Variants in RHNO1 observed in about 807,000 individuals in gnomAD.
RHNO1 encodes the protein RAD9, HUS1, RAD1-interacting nuclear orphan protein 1.
Under a neutral mutation model 7.2 loss-of-function variants are expected in RHNO1, and 9 were observed. The observed-to-expected ratio is 1.25, with a 90% confidence interval of 0.75 to 2.18. The LOEUF is 2.18. RHNO1 is among the 30% of genes most tolerant of loss of function. The pLI, the probability that RHNO1 is intolerant of heterozygous loss-of-function variation, is 0.00. For missense variants in RHNO1, 292 were observed against 284.5 expected (o/e 1.03, Z -0.19); for synonymous variants, 95 against 107.5 (o/e 0.88, Z 0.72).
At chr12:2,883,495 ATATATATATATATATATTT>A (rs1406642391) in intron 1 of RHNO1, among the ~76,000 whole-genome samples, 35 of 21,286 alleles carry the variant, frequency 1.6e-3, no homozygotes, top group African/African-American at 8.9e-3. Flanking sequence ...ATATATATAT[ATATATATATATATATATTT>A]TTTTTTTTTT....
Position 2,888,968 on chromosome 12 carries a change from GA to G in RHNO1, c.*510del, listed in dbSNP as rs2098168950. On this transcript the variant is annotated 3_prime_UTR_variant, in exon 3 of 3. Coordinates refer to ENST00000489288, the MANE Select transcript of RHNO1 (RefSeq NM_001252499.3). ...TAAATGGCTGCAGAAAGTTTTTTTA[GA>G]GAATCCTGCTTCCATCAGTAATACA... 6.6e-6 allele frequency: 1 copy of G among 152,376 alleles called. No individual in the cohort carries two copies. The highest frequency in any genetic ancestry group is 1.5e-5 in the Non-Finnish European group (1 of 68,268). The allele number at this position is 152,376 out of a possible 1,614,324, so 9.4% of individuals were successfully genotyped here.
chr12:2,884,591 G>C (rs953424527), intron 1 of RHNO1, among the ~76,000 whole-genome samples: 1 of 151,202 alleles, frequency 6.6e-6, no homozygotes, highest in African/African-American at 2.4e-5. Context: ...TCAAACTCCT[G>C]ACCTCAGGTG....
At chr12:2,883,507 A>ATT (rs2098161422) in intron 1 of RHNO1, among the ~76,000 whole-genome samples, 5 of 26,236 alleles carry the variant, frequency 1.9e-4, no homozygotes, top group African/African-American at 6.9e-4. Context: ...ATATATATAT[A>ATT]TATATTTTTT....
chr12:2,889,415 T>G lies in RHNO1; in HGVS notation c.*956T>G, dbSNP rs2098169552. ...GTGTGTAAATAAGGAAAGTTTTCAA[T>G]GAGTATTACTTATTGTAATTAATGC... On this transcript the variant is annotated 3_prime_UTR_variant, in exon 3 of 3. Transcript: ENST00000489288. The G allele has an allele frequency of 1.3e-5, 2 of 152,206 alleles. No individual in the cohort carries two copies. Among genetic ancestry groups the G allele is most frequent in the Non-Finnish European group, 2.9e-5 (2 of 68,038 alleles). 9.4% of individuals were successfully genotyped at this position (152,206 alleles called of 1,614,324 possible). A position where few individuals can be genotyped will look rare whatever the true frequency, so the allele number is the denominator to read the frequency against.
chr12:2,881,915 AAG>A (rs1451184956), intron 1 of RHNO1, among the ~76,000 whole-genome samples: 1 of 151,066 alleles, frequency 6.6e-6, no homozygotes, highest in African/African-American at 2.5e-5. Context: ...AAAAAAAAAA[AAG>A]AAAGAAAAAA....
Position 2,883,078 on chromosome 12 carries a change from A to AAAAAAACAACAAC in RHNO1, c.-84-2199_-84-2198insCAACAACAAAAAA, listed in dbSNP as rs1555108324. Among the ~76,000 whole-genome samples, 3 of 150,336 alleles carry AAAAAAACAACAAC rather than the reference A, an allele frequency of 2.0e-5. No homozygotes were observed. In the East Asian group the frequency reaches 5.8e-4, roughly 29 times the overall value. On this transcript the variant is annotated intron_variant, in intron 1 of 2. Coordinates refer to ENST00000489288, the MANE Select transcript of RHNO1 (RefSeq NM_001252499.3). The stretch of plus-strand genomic sequence containing the variant: ...CAAGGCCCTGTCTCAAAAAAAAAAA[A>AAAAAAACAACAAC]AAAAAAACACATAGAAAACCTGGGG...
chr12:2,879,211 C>T (rs1229701553), intron 1 of RHNO1, among the ~76,000 whole-genome samples: 1 of 151,880 alleles, frequency 6.6e-6, no homozygotes, highest in Non-Finnish European at 1.5e-5. Flanking sequence ...ACTCTGTTGC[C>T]CAGATTGATC....
intron 1 of RHNO1, among the ~76,000 whole-genome samples, chr12:2,881,902 C>CAA (rs1208946857): frequency 2.5e-5 from 3 of 119,730 alleles, no homozygotes; most frequent in Admixed American, 8.8e-5. Context: ...AAGACTCCAT[C>CAA]AAAAAAAAAA....
chr12:2,886,305 AAAAT>A (rs1300003725), intron 2 of RHNO1: 1 of 152,162 alleles, frequency 6.6e-6, no homozygotes, highest in Non-Finnish European at 1.5e-5. Context: ...TGAACCTTGA[AAAAT>A]AAAACCCCAT....
rs1264599883 is a variant in RHNO1, at chr12:2,877,270, C to G, written c.-97C>G. The G allele has an allele frequency of 6.6e-6, 1 of 152,246 alleles. No individual in the cohort carries two copies. Among genetic ancestry groups the G allele is most frequent in the Non-Finnish European group, 1.5e-5 (1 of 68,048 alleles). The allele number at this position is 152,246 out of a possible 1,614,324, so 9.4% of individuals were successfully genotyped here. A position where few individuals can be genotyped will look rare whatever the true frequency, so the allele number is the denominator to read the frequency against. ...GGTCTGCCAGGAGCTGCGGCCCCGT[C>G]CGGCCCGGGCTGGTAAGGCGGACCG... On this transcript the variant is annotated 5_prime_UTR_variant, in exon 1 of 3. Transcript: ENST00000489288.
In RHNO1 at chr12:2,888,015, T is replaced by A. The variant is rs1484923355; in HGVS notation, c.273T>A (p.Phe91Leu). 1.2e-6 allele frequency: 2 copies of A among 1,614,020 alleles called. No individual in the cohort carries two copies. The highest frequency in any genetic ancestry group is 4.5e-5 in the East Asian group (2 of 44,866). The change falls in exon 3 of 3, where the codon TTT (phenylalanine) becomes TTA (leucine). Residue 91 changes from phenylalanine to leucine, a missense_variant. Physicochemically the swap from Phe to Leu is conservative, Grantham distance 22. Transcript: ENST00000489288. ...HSSRKPTTSKFPHLTFESPQS... is the reference protein window; with the variant it reads ...HSSRKPTTSKLPHLTFESPQS... The stretch of plus-strand genomic sequence containing the variant: ...GTCGAAAACCTACCACCTCCAAGTT[T>A]CCACATCTAACTTTTGAGAGTCCGC...
chr12:2,883,153 C>T (rs1293851016), intron 1 of RHNO1, among the ~76,000 whole-genome samples: 2 of 150,148 alleles, frequency 1.3e-5, no homozygotes, highest in African/African-American at 2.4e-5. Context: ...CTGAGGTGCG[C>T]AGATAGCTTG....
chr12:2,888,487 A>G lies in RHNO1; in HGVS notation c.*28A>G. The G allele has an allele frequency of 3.3e-6, 5 of 1,519,358 alleles. No individual in the cohort carries two copies. Among genetic ancestry groups the G allele is most frequent in the Non-Finnish European group, 4.4e-6 (5 of 1,136,070 alleles). 94.1% of individuals were successfully genotyped at this position (1,519,358 alleles called of 1,614,324 possible). ...GCCATCAGTAATCTCAATAGAAAAG[A>G]GATATGTTTTCTGGAGTCATAAAGG... On this transcript the variant is annotated 3_prime_UTR_variant, in exon 3 of 3. Coordinates refer to ENST00000489288, the MANE Select transcript of RHNO1 (RefSeq NM_001252499.3).
intron 2 of RHNO1, 127 bp from the exon 3 acceptor site, chr12:2,887,784 A>T: frequency 1.4e-6 from 1 of 701,820 alleles, no homozygotes; most frequent in Admixed American, 3.1e-5. Flanking sequence ...ATGCCATTAG[A>T]CAGTTATTTT....
chr12:2,882,941 C>CT (rs1442541821), intron 1 of RHNO1, among the ~76,000 whole-genome samples: 1 of 151,660 alleles, frequency 6.6e-6, no homozygotes, highest in Non-Finnish European at 1.5e-5. Context: ...AGTGTGCTTG[C>CT]TTGTAGTTCC....
intron 1 of RHNO1, among the ~76,000 whole-genome samples, chr12:2,882,094 C>T (rs899682424): frequency 3.3e-5 from 5 of 151,720 alleles, no homozygotes; most frequent in African/African-American, 1.2e-4. Context: ...ATTTACCTCT[C>T]TACCTATTGC....
intron 1 of RHNO1, among the ~76,000 whole-genome samples, chr12:2,883,150 G>GC (rs1261065971): frequency 6.6e-6 from 1 of 151,204 alleles, no homozygotes; most frequent in Non-Finnish European, 1.5e-5. Flanking sequence ...AGGCTGAGGT[G>GC]CGCAGATAGC....
At chr12:2,883,081 A>C (rs886624870) in intron 1 of RHNO1, among the ~76,000 whole-genome samples, 5 of 151,424 alleles carry the variant, frequency 3.3e-5, no homozygotes, top group Non-Finnish European at 5.9e-5. Flanking sequence ...AAAAAAAAAA[A>C]AAAACACATA....
chr12:2,877,607 G>A (rs566917914), intron 1 of RHNO1, among the ~76,000 whole-genome samples: 2 of 151,960 alleles, frequency 1.3e-5, no homozygotes, highest in South Asian at 4.1e-4. Flanking sequence ...TTCCTTTGAG[G>A]GCTGCGTATT....
Sources: gnomAD v4.1 joint callset for allele counts (sites outside exome capture counted in the v4.1 genomes callset) on GRCh38, gnomAD v4.1.1 for gene constraint, MANE v1.5 for transcripts, NCBI Gene and HGNC (gene_info 2026-07-23, HGNC 2026-07-21) for gene names.